The following SCYL3 variants were observed in gnomAD, a reference collection of about 807,000 sequenced individuals.
The protein encoded by SCYL3 is protein-associating with the carboxyl-terminal domain of ezrin.
Under a neutral mutation model 73.8 loss-of-function variants are expected in SCYL3, and 35 were observed. That is an observed-to-expected ratio of 0.47 (90% CI 0.36 to 0.63). SCYL3 has a LOEUF of 0.63. SCYL3 is among the 20% of genes least tolerant of loss of function. The pLI, the probability that SCYL3 is intolerant of heterozygous loss-of-function variation, is 0.00. For missense variants in SCYL3, 712 were observed against 798.9 expected (o/e 0.89, Z 1.31); for synonymous variants, 277 against 295.2 (o/e 0.94, Z 0.63).
rs758018719 is a variant in SCYL3, at chr1:169,855,962, A to G, written c.1313-998T>C. The stretch of plus-strand genomic sequence containing the variant: ...AGACGACACACATAGGAGAATCTGA[A>G]GGTAAATAAAAACTCCAAAACATGA... On this transcript the variant is annotated intron_variant, in intron 11 of 12. Transcript: ENST00000367771. The G allele has an allele frequency of 3.7e-6, 6 of 1,608,012 alleles. No homozygotes were observed. In the Admixed American group the frequency reaches 6.9e-5, roughly 19 times the overall value.
intron 11 of SCYL3, among the ~76,000 whole-genome samples, chr1:169,858,631 GGTTT>G (rs1287442778): frequency 1.3e-5 from 2 of 152,054 alleles, no homozygotes; most frequent in South Asian, 2.1e-4. Context: ...CAGCACACTA[GGTTT>G]GTTTACACCA....
chr1:169,853,632 G>A lies in SCYL3; in HGVS notation c.*81C>T. On this transcript the variant is annotated 3_prime_UTR_variant, in exon 13 of 13. Transcript: ENST00000367771. The stretch of plus-strand genomic sequence containing the variant: ...AAGCAGGCCACTTTGGGGTTTTCTT[G>A]TCCCAAAGCCTGCTTTTGAGGTATT... The A allele has an allele frequency of 6.8e-7, 1 of 1,479,810 alleles. No homozygotes were observed. The highest frequency in any genetic ancestry group is 9.3e-7 in the Non-Finnish European group (1 of 1,072,464). The allele number at this position is 1,479,810 out of a possible 1,614,324, so 91.7% of individuals were successfully genotyped here. A position where few individuals can be genotyped will look rare whatever the true frequency, so the allele number is the denominator to read the frequency against.
intron 1 of SCYL3, among the ~76,000 whole-genome samples, chr1:169,892,133 T>A (rs184462033): frequency 4.0e-4 from 61 of 152,366 alleles, no homozygotes; most frequent in Admixed American, 1.5e-3. Context: ...GTGCAAACTT[T>A]ATTGGGGGAA....
chr1:169,863,388 TTA>T (rs1323078191), intron 9 of SCYL3, among the ~76,000 whole-genome samples: 6 of 152,180 alleles, frequency 3.9e-5, no homozygotes, highest in African/African-American at 1.4e-4. Flanking sequence ...TTTTATAAAT[TTA>T]TGTTTAATCA....
chr1:169,887,854 A>G (rs1661793626), intron 2 of SCYL3, among the ~76,000 whole-genome samples: 1 of 152,238 alleles, frequency 6.6e-6, no homozygotes, highest in Non-Finnish European at 1.5e-5. Context: ...TTTTAAAAAA[A>G]TAAAAACAAT....
rs763198990 is a variant in SCYL3 at position 169,852,825 on chromosome 1, GGAA to G, written c.*885_*887del. 6.2e-7 allele frequency: 1 copy of G among 1,614,066 alleles called. No individual in the cohort carries two copies. The highest frequency in any genetic ancestry group is 1.7e-5 in the Admixed American group (1 of 60,022). On this transcript the variant is annotated 3_prime_UTR_variant, in exon 13 of 13. Transcript: ENST00000367771. ...AAAGAGCTCGTCAGGAGTTCCCCTG[GGAA>G]GAAGAGTACAGGTCAGCGCTGCATA... is the stretch of plus-strand genomic sequence containing the variant.
Position 169,859,220 on chromosome 1 carries a change from C to T in SCYL3, c.1141-8G>A. ...ACGCAGGCCCAGCAAAACCTAGGAGCAAATGAGGTAATAAGGGTTGACAAC... is the reference window on the plus strand; with the variant it reads ...ACGCAGGCCCAGCAAAACCTAGGAGTAAATGAGGTAATAAGGGTTGACAAC... On this transcript the variant is annotated splice_region_variant and splice_polypyrimidine_tract_variant and intron_variant, in intron 10 of 12. Transcript: ENST00000367771. The T allele has an allele frequency of 6.2e-7, 1 of 1,605,886 alleles. No homozygotes were observed. Among genetic ancestry groups the T allele is most frequent in the Non-Finnish European group, 8.5e-7 (1 of 1,176,520 alleles).
chr1:169,881,476 C>G (rs867869431), intron 2 of SCYL3, among the ~76,000 whole-genome samples: 2 of 152,112 alleles, frequency 1.3e-5, no homozygotes. Flanking sequence ...AATATACAAT[C>G]GATTACTGTA....
In SCYL3 at chr1:169,884,318, A is replaced by T. The variant is rs115543761; in HGVS notation, c.165+4358T>A. 6.4e-3 allele frequency among the ~76,000 whole-genome samples: 974 copies of T among 152,150 alleles called. 10 individuals carry two copies. The highest frequency in any genetic ancestry group is 0.022 in the African/African-American group (898 of 41,488). ...TATTTCGTTTTGTTTTGTTTTTGAG[A>T]CAGAGTGTCGCTCTTGTTACCCAGG... On this transcript the variant is annotated intron_variant, in intron 2 of 12. Coordinates refer to ENST00000367771, the MANE Select transcript of SCYL3 (RefSeq NM_020423.7).
intron 1 of SCYL3, among the ~76,000 whole-genome samples, chr1:169,893,499 C>T (rs1371406978): frequency 6.6e-6 from 1 of 152,130 alleles, no homozygotes; most frequent in Non-Finnish European, 1.5e-5. Context: ...CTGCGAGGAC[C>T]GACTCCGCGG....
chr1:169,875,510 G>C (rs561968274), intron 4 of SCYL3, among the ~76,000 whole-genome samples: 2 of 152,158 alleles, frequency 1.3e-5, no homozygotes, highest in Admixed American at 6.5e-5. Context: ...GTATGAAATT[G>C]GGCAACTCGG....
At chr1:169,855,414 T>C (rs1248093558) in intron 11 of SCYL3, among the ~76,000 whole-genome samples, 1 of 152,212 alleles carries the variant, frequency 6.6e-6, no homozygotes, top group East Asian at 1.9e-4. Context: ...TGAGAGATCC[T>C]GTGCAATGTG....
chr1:169,880,221 A>T (rs541874944), intron 2 of SCYL3, among the ~76,000 whole-genome samples: 1 of 152,330 alleles, frequency 6.6e-6, no homozygotes, highest in Admixed American at 6.5e-5. Context: ...AAATTGGGGC[A>T]TAAAAAATAC....
chr1:169,893,651 C>G (rs1473230457), intron 1 of SCYL3, 137 bp downstream of exon 1: 2 of 151,418 alleles, frequency 1.3e-5, no homozygotes, highest in East Asian at 3.9e-4. Flanking sequence ...GGCGCCGCGC[C>G]GAGCTCGCTC....
intron 8 of SCYL3, among the ~76,000 whole-genome samples, chr1:169,865,334 A>G (rs769059210): frequency 6.6e-5 from 10 of 152,170 alleles, no homozygotes; most frequent in Non-Finnish European, 1.2e-4. Flanking sequence ...AACAGGTCAC[A>G]TGCATTATCA....
rs1326899230 is a variant in SCYL3, at chr1:169,854,926, C to T, written c.1351G>A (p.Gly451Arg). 3.1e-6 allele frequency: 5 copies of T among 1,610,650 alleles called. No homozygotes were observed. The highest frequency in any genetic ancestry group is 1.1e-5 in the South Asian group (1 of 90,510). The change falls in exon 12 of 13, where the codon GGA becomes AGA. Residue 451 changes from glycine to arginine, a missense_variant. Gly to Arg is a moderately radical substitution (Grantham distance 125). This residue lies in a region of SCYL3 where 370 missense variants were observed against 350.8 expected (regional missense o/e 1.05). Coordinates refer to ENST00000367771, the MANE Select transcript of SCYL3 (RefSeq NM_020423.7). ...GAAGTATTTTTTACATCTGAGAGTCCATTTATGGGAAATTTAATAGGCTGA... is the reference window on the plus strand; with the variant it reads ...GAAGTATTTTTTACATCTGAGAGTCTATTTATGGGAAATTTAATAGGCTGA... Reference protein sequence around the residue: ...FSQPIKFPINGLSDVKNTSED... With the variant: ...FSQPIKFPINRLSDVKNTSED...
chr1:169,888,817 T>G lies in SCYL3; in HGVS notation c.24A>C (p.Leu8Phe). 1 of 1,612,612 alleles carries G rather than the reference T, an allele frequency of 6.2e-7. No homozygotes were observed. Among genetic ancestry groups the G allele is most frequent in the Admixed American group, 1.7e-5 (1 of 59,894 alleles). MGSENSA[L>F]KSYTLREPPF... The stretch of plus-strand genomic sequence containing the variant: ...GTGGTTCTCTCAGTGTATAGCTCTT[T>G]AAAGCACTGTTCTCTGATCCCATCC... Residue 8 changes from leucine (L) to phenylalanine (F), a missense_variant, in exon 2 of 13, where the codon TTA becomes TTC. Physicochemically the swap from Leu to Phe is conservative, Grantham distance 22. Coordinates refer to ENST00000367771, the MANE Select transcript of SCYL3 (RefSeq NM_020423.7).
Position 169,852,060 on chromosome 1 carries a change from A to G in SCYL3, c.*1653T>C. The G allele has an allele frequency of 7.3e-7, 1 of 1,361,918 alleles. No individual in the cohort carries two copies. Among genetic ancestry groups the G allele is most frequent in the Non-Finnish European group, 1.0e-6 (1 of 974,302 alleles). 84.4% of individuals were successfully genotyped at this position (1,361,918 alleles called of 1,614,324 possible). A position where few individuals can be genotyped will look rare whatever the true frequency, so the allele number is the denominator to read the frequency against. Reference sequence around the variant, plus strand: ...TGAATTTCAAATCAAATAGATCTAGACATGTAAAATTCTGTTTTATGGTAG... The same window carrying G: ...TGAATTTCAAATCAAATAGATCTAGGCATGTAAAATTCTGTTTTATGGTAG... On this transcript the variant is annotated 3_prime_UTR_variant, in exon 13 of 13. Coordinates refer to ENST00000367771, the MANE Select transcript of SCYL3 (RefSeq NM_020423.7).
chr1:169,873,004 TG>T (rs34281607), intron 5 of SCYL3, among the ~76,000 whole-genome samples: 2 of 152,078 alleles, frequency 1.3e-5, no homozygotes, highest in Non-Finnish European at 2.9e-5. Flanking sequence ...GTGAAGACTT[TG>T]GGGGACTGTT....
Sources: gnomAD v4.1 joint callset for allele counts (sites outside exome capture counted in the v4.1 genomes callset) on GRCh38, gnomAD v4.1.1 for gene constraint, gnomAD v4.1.1 regional missense constraint, MANE v1.5 for transcripts, NCBI Gene and HGNC (gene_info 2026-07-23, HGNC 2026-07-21) for gene names.